The following DSCAM variants were observed in gnomAD, a reference collection of about 807,000 sequenced individuals.
DSCAM encodes the protein DS cell adhesion molecule.
Under a neutral mutation model 217.7 loss-of-function variants are expected in DSCAM, and 47 were observed. The ratio of observed to expected loss-of-function variants is 0.22; its 90% CI spans 0.17 to 0.28. DSCAM has a LOEUF of 0.28. Among genes scored for constraint, DSCAM ranks in the 10% least tolerant of loss-of-function variants. The pLI is 1.00. For synonymous variants in DSCAM, 1,056 were observed against 1,015.3 expected, an observed-to-expected ratio of 1.04 and a Z score of -0.76; for missense variants, 2,080 against 2,618.3, an observed-to-expected ratio of 0.79 and a Z score of 4.49.
At chr21:40,808,135 G>A (rs1413636777) in intron 1 of DSCAM, among the ~76,000 whole-genome samples, 2 of 152,152 alleles carry the variant, frequency 1.3e-5, no homozygotes, top group Non-Finnish European at 2.9e-5. Flanking sequence ...AACTCAATTT[G>A]GGACAAGTCT....
intron 1 of DSCAM, among the ~76,000 whole-genome samples, chr21:40,764,147 G>A (rs1399798416): frequency 6.6e-6 from 1 of 152,058 alleles, no homozygotes; most frequent in African/African-American, 2.4e-5. Context: ...TATTATCAGA[G>A]TGAACAGGCA....
chr21:40,512,835 A>G (rs1332640757), intron 3 of DSCAM, among the ~76,000 whole-genome samples: 2 of 151,246 alleles, frequency 1.3e-5, no homozygotes, highest in Non-Finnish European at 2.9e-5. Flanking sequence ...CAGGGGAGGG[A>G]AGGGACCATA....
At chr21:40,727,815 T>C (rs1246931657) in intron 1 of DSCAM, among the ~76,000 whole-genome samples, 1 of 152,196 alleles carries the variant, frequency 6.6e-6, no homozygotes, top group Admixed American at 6.5e-5. Flanking sequence ...AAGCCTATCT[T>C]CCTACAGGAT....
intron 3 of DSCAM, among the ~76,000 whole-genome samples, chr21:40,597,650 G>C (rs1255364986): frequency 6.6e-6 from 1 of 151,702 alleles, no homozygotes; most frequent in Non-Finnish European, 1.5e-5. Context: ...GGGACTACAG[G>C]TGCCCACCAC....
intron 1 of DSCAM, among the ~76,000 whole-genome samples, chr21:40,785,478 A>G (rs2091584465): frequency 3.3e-5 from 5 of 152,368 alleles, no homozygotes; most frequent in Admixed American, 2.0e-4. Flanking sequence ...TACACTTATC[A>G]GGAGAATAGC....
chr21:40,575,195 A>C (rs2076839375), intron 3 of DSCAM, among the ~76,000 whole-genome samples: 2 of 143,656 alleles, frequency 1.4e-5, no homozygotes, highest in East Asian at 2.1e-4. Context: ...AAGCTCCCCC[A>C]CTGAGCACCC....
chr21:40,221,243 C>A (rs1252601914), intron 11 of DSCAM, among the ~76,000 whole-genome samples: 2 of 151,992 alleles, frequency 1.3e-5, no homozygotes, highest in Non-Finnish European at 1.5e-5. Context: ...ACCTGTCCCA[C>A]CCATGCCACC....
At chr21:40,014,264 G>A (rs747022045) in intron 32 of DSCAM, among the ~76,000 whole-genome samples, 9 of 152,158 alleles carry the variant, frequency 5.9e-5, no homozygotes, top group Non-Finnish European at 8.8e-5. Context: ...GATGGTGGGC[G>A]CCTGTAGTCC....
At chr21:40,188,658 G>A (rs1158855052) in intron 12 of DSCAM, among the ~76,000 whole-genome samples, 2 of 151,698 alleles carry the variant, frequency 1.3e-5, no homozygotes, top group African/African-American at 4.9e-5. Flanking sequence ...AAGCAAGATA[G>A]TTTTTATGAT....
At chr21:40,512,269 A>C (rs755080228) in intron 3 of DSCAM, among the ~76,000 whole-genome samples, 2 of 152,022 alleles carry the variant, frequency 1.3e-5, no homozygotes. Flanking sequence ...ATTTTCTTTC[A>C]TATCTGTTAT....
At chr21:40,541,592 C>T (rs536475907) in intron 3 of DSCAM, among the ~76,000 whole-genome samples, 3 of 152,162 alleles carry the variant, frequency 2.0e-5, no homozygotes, top group South Asian at 4.2e-4. Context: ...TAATATATCA[C>T]ATATATGTGT....
At chr21:40,262,506 A>G (rs79038663) in intron 11 of DSCAM, among the ~76,000 whole-genome samples, 313 of 152,318 alleles carry the variant, frequency 2.1e-3, no homozygotes, top group African/African-American at 7.3e-3. Flanking sequence ...AAACAAATCA[A>G]GACAATACCC....
At chr21:40,100,614 G>C (rs1308475256) in intron 20 of DSCAM, among the ~76,000 whole-genome samples, 1 of 149,988 alleles carries the variant, frequency 6.7e-6, no homozygotes, top group Admixed American at 6.6e-5. Flanking sequence ...CAGCTGGGTT[G>C]CTATTTCAGA....
At chr21:40,515,105 A>G (rs2076289611) in intron 3 of DSCAM, among the ~76,000 whole-genome samples, 2 of 152,230 alleles carry the variant, frequency 1.3e-5, no homozygotes, top group South Asian at 4.1e-4. Context: ...AATTCCTACT[A>G]TAATCTGAAA....
intron 3 of DSCAM, among the ~76,000 whole-genome samples, chr21:40,457,232 C>G (rs1243690454): frequency 2.0e-5 from 3 of 152,214 alleles, no homozygotes; most frequent in Non-Finnish European, 4.4e-5. Flanking sequence ...AGAAGGCTGG[C>G]TGCGCATGGT....
chr21:40,611,415 T>C (rs1444156316), intron 3 of DSCAM, among the ~76,000 whole-genome samples: 2 of 152,204 alleles, frequency 1.3e-5, no homozygotes, highest in Non-Finnish European at 2.9e-5. Flanking sequence ...TATTATCATT[T>C]CCACATGTAA....
At position 40,314,306 on chromosome 21, in the gene DSCAM, C is replaced by T. The variant is rs548037641; in HGVS notation, c.1784-1947G>A. 7.2e-5 allele frequency among the ~76,000 whole-genome samples: 11 copies of T among 152,228 alleles called. No individual in the cohort carries two copies. The East Asian group carries it at 2.1e-3, about 29-fold the overall frequency. ...GTAGGTAGCTCAAGTTAGGTTTTAC[C>T]AGGGAAATTAATTTTTTTAAATGGT... On this transcript the variant is annotated intron_variant, in intron 8 of 32. Coordinates refer to ENST00000400454, the MANE Select transcript of DSCAM (RefSeq NM_001389.5).
In DSCAM at chr21:40,312,328, T is replaced by C; in HGVS notation, c.1815A>G (p.Pro605=). The C allele has an allele frequency of 3.1e-6, 5 of 1,614,000 alleles. No individual in the cohort carries two copies. The South Asian group carries it at 5.5e-5, about 18-fold the overall frequency. ...VPPFIQPFEF[P]RFSIGQRVFI... ...AGACCCGCTGCCCAATGGAGAATCT[T>C]GGAAACTCAAAGGGTTGTATGAAAG... Residue 605 remains proline, a synonymous_variant, in exon 9 of 33, where the codon CCA becomes CCG. Transcript: ENST00000400454.
At chr21:40,740,500 TC>T (rs1213256122) in intron 1 of DSCAM, among the ~76,000 whole-genome samples, 2 of 152,212 alleles carry the variant, frequency 1.3e-5, no homozygotes, top group African/African-American at 2.4e-5. Context: ...ATTCAAAACT[TC>T]CATGGAGCAT....
Sources: gnomAD v4.1 joint callset for allele counts (sites outside exome capture counted in the v4.1 genomes callset) on GRCh38, gnomAD v4.1.1 for gene constraint, MANE v1.5 for transcripts, NCBI Gene and HGNC (gene_info 2026-07-23, HGNC 2026-07-21) for gene names.